APBA1: variants seen among roughly 807,000 people sequenced by gnomAD.
APBA1 encodes the protein amyloid-beta A4 precursor protein-binding family A member 1.
In APBA1, 55 loss-of-function variants were observed where a neutral mutation model predicts 86.6. The observed-to-expected ratio is 0.64, with a 90% CI of 0.51 to 0.80. The LOEUF is 0.80. APBA1 is among the 30% of genes least tolerant of loss of function. APBA1 has a pLI of 0.00. For missense variants in APBA1, 1,090 were observed against 1,183.0 expected, an observed-to-expected ratio of 0.92 and a Z score of 1.15; for synonymous variants, 511 against 493.9, an observed-to-expected ratio of 1.03 and a Z score of -0.46.
At chr9:69,485,874 A>G (rs1191133748) in intron 2 of APBA1, among the ~76,000 whole-genome samples, 1 of 152,134 alleles carries the variant, frequency 6.6e-6, no homozygotes, top group Non-Finnish European at 1.5e-5. Context: ...GAAATGTATC[A>G]TCCTGTCCAT....
chr9:69,497,953 G>C (rs1835825940), intron 2 of APBA1, among the ~76,000 whole-genome samples: 1 of 152,118 alleles, frequency 6.6e-6, no homozygotes, highest in African/African-American at 2.4e-5. Context: ...TTGAAGCCCA[G>C]TAGCTCTTTG....
At chr9:69,455,888 T>C (rs1287388491) in intron 8 of APBA1, among the ~76,000 whole-genome samples, 1 of 152,150 alleles carries the variant, frequency 6.6e-6, no homozygotes, top group Non-Finnish European at 1.5e-5. Context: ...TCTTTCTCAC[T>C]TTATTCAGGT....
At chr9:69,640,034 A>G (rs1015360652) in intron 1 of APBA1, among the ~76,000 whole-genome samples, 1 of 152,162 alleles carries the variant, frequency 6.6e-6, no homozygotes, top group Non-Finnish European at 1.5e-5. Context: ...TTAGGGATAA[A>G]GAACATCCTA....
chr9:69,449,718 C>T lies in APBA1; in HGVS notation c.2047G>A (p.Val683Met), dbSNP rs1284301956. The change falls in exon 10 of 13, where the codon GTG becomes ATG. Residue 683 changes from valine (V) to methionine (M), a missense_variant. By Grantham distance (21) the Val-to-Met change is conservative. Coordinates refer to ENST00000265381, the MANE Select transcript of APBA1 (RefSeq NM_001163.4). ...CCATGCATCATGTTGGCAATGATCA[C>T]GGTGGGGAGGATGGATCCCCAGCCA... ...ESGWGSILPT[V>M]IIANMMHGGP... The T allele has an allele frequency of 2.5e-6, 4 of 1,613,954 alleles. No homozygotes were observed. The highest frequency in any genetic ancestry group is 3.4e-6 in the Non-Finnish European group (4 of 1,180,010).
chr9:69,456,562 A>G (rs1479064607), intron 7 of APBA1, 130 bp from the exon 8 acceptor site: 7 of 928,540 alleles, frequency 7.5e-6, no homozygotes, highest in African/African-American at 1.7e-5. Flanking sequence ...TGCAAAGCCC[A>G]TGCTGAGGGA....
chr9:69,485,975 G>C lies in APBA1; in HGVS notation c.1201-9832C>G, dbSNP rs559178871. Among the ~76,000 whole-genome samples the C allele has an allele frequency of 2.0e-5, 3 of 151,488 alleles. No homozygotes were observed. In the South Asian group the frequency reaches 6.3e-4, roughly 32 times the overall value. ...TTAATTCTTTTTTTTTTTTGAGACAGAGTTTCACTCTTTTTGCCCAGGCTG... is the reference window on the plus strand; with the variant it reads ...TTAATTCTTTTTTTTTTTTGAGACACAGTTTCACTCTTTTTGCCCAGGCTG... On this transcript the variant is annotated intron_variant, in intron 2 of 12. Coordinates refer to ENST00000265381, the MANE Select transcript of APBA1 (RefSeq NM_001163.4).
intron 1 of APBA1, among the ~76,000 whole-genome samples, chr9:69,625,445 T>C (rs578097536): frequency 6.6e-6 from 1 of 152,176 alleles, no homozygotes. Flanking sequence ...GGAAGAGGGA[T>C]CTTGTCTGAA....
chr9:69,609,040 A>G (rs1822529465), intron 1 of APBA1, among the ~76,000 whole-genome samples: 1 of 152,248 alleles, frequency 6.6e-6, no homozygotes, highest in Admixed American at 6.5e-5. Flanking sequence ...TATGTGACAG[A>G]CTGGGCTAGG....
chr9:69,440,448 G>A (rs974823759), intron 11 of APBA1, among the ~76,000 whole-genome samples: 12 of 151,406 alleles, frequency 7.9e-5, no homozygotes, highest in East Asian at 1.9e-4. Context: ...GAGCTTCCCC[G>A]CTGCTTTGTT....
Position 69,516,679 on chromosome 9 carries a change from C to G in APBA1, c.532G>C (p.Gly178Arg). 1 of 1,610,094 alleles carries G rather than the reference C, an allele frequency of 6.2e-7. No individual in the cohort carries two copies. Among genetic ancestry groups the G allele is most frequent in the South Asian group, 1.1e-5 (1 of 90,626 alleles). The change falls in exon 2 of 13, where the codon GGT (glycine) becomes CGT (arginine). Residue 178 changes from glycine to arginine, a missense_variant. Coordinates refer to ENST00000265381, the MANE Select transcript of APBA1 (RefSeq NM_001163.4). This position sits in a 1 kb window ranked among gnomAD's most constrained non-coding sequence, Gnocchi z 7.3. ...GGCTCGGAGTAGGGCTCGTCCTCAC[C>G]GCGGTGGAAGAGCCGGTGCGTGTAG... ...YVYTHRLFHR[G>R]EDEPYSEPYA...
chr9:69,632,120 C>A (rs898255674), intron 1 of APBA1, among the ~76,000 whole-genome samples: 1 of 151,186 alleles, frequency 6.6e-6, no homozygotes, highest in Non-Finnish European at 1.5e-5. Flanking sequence ...CTGAATAACA[C>A]AGGAAAGAAA....
At chr9:69,493,417 C>G (rs1434359872) in intron 2 of APBA1, among the ~76,000 whole-genome samples, 1 of 152,030 alleles carries the variant, frequency 6.6e-6, no homozygotes, top group African/African-American at 2.4e-5. Flanking sequence ...CAGTCCAACC[C>G]CATTTCAAAT....
At position 69,648,546 on chromosome 9, in the gene APBA1, T is replaced by G. The variant is rs565684041; in HGVS notation, c.-70+23607A>C. The stretch of plus-strand genomic sequence containing the variant: ...TCAACCTAGTTGTTCATTTCACCAG[T>G]GGGCAAAAATCATTATTTTTAAAGG... On this transcript the variant is annotated intron_variant, in intron 1 of 12. Transcript: ENST00000265381. Among the ~76,000 whole-genome samples the G allele has an allele frequency of 1.2e-3, 180 of 152,276 alleles. 3 individuals are homozygous for G. Among genetic ancestry groups the G allele is most frequent in the Non-Finnish European group, 5.3e-4 (36 of 68,006 alleles).
chr9:69,598,836 A>G (rs375521715), intron 1 of APBA1, among the ~76,000 whole-genome samples: 1 of 152,240 alleles, frequency 6.6e-6, no homozygotes, highest in East Asian at 1.9e-4. Flanking sequence ...TTGAAAGTCC[A>G]AGGATCAAGC....
intron 1 of APBA1, among the ~76,000 whole-genome samples, chr9:69,647,677 T>A (rs980657012): frequency 1.3e-5 from 2 of 152,216 alleles, no homozygotes; most frequent in Non-Finnish European, 2.9e-5. Flanking sequence ...ATCAAACACA[T>A]AACTCTTAAA....
intron 1 of APBA1, among the ~76,000 whole-genome samples, chr9:69,651,443 CT>C (rs1823498852): frequency 6.6e-6 from 1 of 151,998 alleles, no homozygotes; most frequent in Non-Finnish European, 1.5e-5. Flanking sequence ...ATAAAACAAT[CT>C]TCCCGACCAG....
Position 69,596,620 on chromosome 9 carries a change from A to G in APBA1, c.-70+75533T>C, listed in dbSNP as rs117024911. On this transcript the variant is annotated intron_variant, in intron 1 of 12. Coordinates refer to ENST00000265381, the MANE Select transcript of APBA1 (RefSeq NM_001163.4). ...ATTAATAGAAAGAAGGGTGCACATC[A>G]TCCTTTAAGAAGACACCCCCTCTCC... Among the ~76,000 whole-genome samples the G allele has an allele frequency of 5.3e-5, 8 of 152,310 alleles. No individual in the cohort carries two copies. In the East Asian group the frequency reaches 1.5e-3, roughly 29 times the overall value.
intron 1 of APBA1, among the ~76,000 whole-genome samples, chr9:69,620,695 CTG>C (rs1822798559): frequency 6.6e-6 from 1 of 152,084 alleles, no homozygotes; most frequent in South Asian, 2.1e-4. Flanking sequence ...CAAAACAAAA[CTG>C]AGAGACAGAG....
At chr9:69,670,918 G>T (rs1823936442) in intron 1 of APBA1, among the ~76,000 whole-genome samples, 2 of 152,300 alleles carry the variant, frequency 1.3e-5, no homozygotes, top group South Asian at 4.1e-4. Context: ...ACCAGCAGTA[G>T]AAATAAAGTA....
Sources: allele counts gnomAD v4.1 joint callset (sites outside exome capture counted in the v4.1 genomes callset), GRCh38; gene constraint gnomAD v4.1.1; non-coding constraint Gnocchi (gnomAD v3.1); transcripts MANE v1.5; gene names NCBI Gene and HGNC (gene_info 2026-07-23, HGNC 2026-07-21).